Variants in LRRK2 observed in about 807,000 individuals in gnomAD.
The protein encoded by LRRK2 is leucine rich repeat kinase 2, also known as leucine-rich repeat serine/threonine-protein kinase 2.
LRRK2 carries 203 observed loss-of-function variants against 302.6 expected under a neutral mutation model. The ratio of observed to expected loss-of-function variants is 0.67; its 90% confidence interval spans 0.60 to 0.75. The LOEUF is 0.75. LRRK2 is among the 30% of genes least tolerant of loss of function. The pLI, the probability that LRRK2 is intolerant of heterozygous loss-of-function variation, is 0.00. For synonymous variants in LRRK2, 1,066 were observed against 1,031.9 expected (o/e 1.03, Z -0.63); for missense variants, 2,830 against 2,951.0 (o/e 0.96, Z 0.95).
intron 19 of LRRK2, among the ~76,000 whole-genome samples, chr12:40,286,069 A>G (rs4310676): frequency 0.7 from 106,676 of 151,670 alleles, 37,705 homozygotes; most frequent in African/African-American, 0.75. Context: ...GGAGAGGGAC[A>G]GAGGGAGATT....
chr12:40,359,799 T>C (rs1331978504), intron 47 of LRRK2, among the ~76,000 whole-genome samples: 2 of 152,164 alleles, frequency 1.3e-5, no homozygotes, highest in African/African-American at 4.8e-5. Flanking sequence ...TCACGGACTA[T>C]ACATATGCAA....
chr12:40,252,135 A>G (rs950829103), intron 10 of LRRK2, among the ~76,000 whole-genome samples: 2 of 152,188 alleles, frequency 1.3e-5, no homozygotes, highest in Admixed American at 6.6e-5. Flanking sequence ...GGTTTGTTTC[A>G]TATCCGTGAG....
At chr12:40,265,339 A>G (rs1942963068) in intron 14 of LRRK2, among the ~76,000 whole-genome samples, 1 of 152,220 alleles carries the variant, frequency 6.6e-6, no homozygotes, top group African/African-American at 2.4e-5. Context: ...TTCTTTAAAC[A>G]AGAGACACAC....
At chr12:40,280,926 G>C (rs1460321801) in intron 18 of LRRK2, among the ~76,000 whole-genome samples, 1 of 151,906 alleles carries the variant, frequency 6.6e-6, no homozygotes, top group Non-Finnish European at 1.5e-5. Flanking sequence ...AAATTAGCCA[G>C]GCGTGGTGGC....
intron 20 of LRRK2, among the ~76,000 whole-genome samples, chr12:40,290,616 T>C (rs1057386222): frequency 6.6e-6 from 1 of 152,202 alleles, no homozygotes; most frequent in Non-Finnish European, 1.5e-5. Context: ...AAGTCAGTTT[T>C]AGTAATGTGT....
intron 2 of LRRK2, among the ~76,000 whole-genome samples, chr12:40,231,649 G>T (rs575666333): frequency 1.4e-5 from 2 of 146,290 alleles, no homozygotes; most frequent in Admixed American, 1.4e-4. Flanking sequence ...TAATAATCTT[G>T]GTACAACCTC....
intron 10 of LRRK2, among the ~76,000 whole-genome samples, chr12:40,252,228 T>C (rs1209090145): frequency 2.0e-5 from 3 of 152,214 alleles, no homozygotes; most frequent in Admixed American, 2.0e-4. Flanking sequence ...GTGAATGACT[T>C]ATTTTGGAAA....
At chr12:40,334,498 A>T (rs1231535221) in intron 39 of LRRK2, among the ~76,000 whole-genome samples, 2 of 152,194 alleles carry the variant, frequency 1.3e-5, no homozygotes, top group African/African-American at 2.4e-5. Flanking sequence ...CATGTTTTAT[A>T]TGTTATCTGT....
At chr12:40,232,250 A>C in intron 2 of LRRK2, 24 bp from the exon 3 acceptor site, 18 of 1,516,266 alleles carry the variant, frequency 1.2e-5, no homozygotes, top group Non-Finnish European at 1.6e-5. Context: ...AAAACATGTG[A>C]ATATATGTCT....
chr12:40,363,582 C>A (rs1455143604), intron 48 of LRRK2, 28 bp downstream of exon 48: 2 of 1,605,332 alleles, frequency 1.2e-6, no homozygotes, highest in Non-Finnish European at 1.7e-6. Context: ...TAATTTTATT[C>A]CCAAAAGAAT....
chr12:40,280,791 G>A (rs1404932991), intron 18 of LRRK2, among the ~76,000 whole-genome samples: 1 of 151,684 alleles, frequency 6.6e-6, no homozygotes, highest in Admixed American at 6.6e-5. Flanking sequence ...AACCGGTCGG[G>A]TGCGGTGGCT....
chr12:40,310,071 T>C (rs1944985958), intron 30 of LRRK2, among the ~76,000 whole-genome samples: 1 of 152,106 alleles, frequency 6.6e-6, no homozygotes, highest in South Asian at 2.1e-4. Context: ...ATATAAACTA[T>C]ATGACGTTAA....
intron 14 of LRRK2, among the ~76,000 whole-genome samples, chr12:40,265,388 G>C (rs1260442493): frequency 3.3e-5 from 5 of 152,116 alleles, no homozygotes; most frequent in Non-Finnish European, 7.4e-5. Context: ...TATTGCAAAA[G>C]AAAAAGAATA....
At chr12:40,267,639 C>T (rs896170918) in intron 14 of LRRK2, among the ~76,000 whole-genome samples, 5 of 152,094 alleles carry the variant, frequency 3.3e-5, no homozygotes, top group African/African-American at 1.2e-4. Flanking sequence ...TTCCCCCATG[C>T]CAGTACTGAC....
chr12:40,247,194 T>C (rs1942023178), intron 7 of LRRK2, among the ~76,000 whole-genome samples: 1 of 152,124 alleles, frequency 6.6e-6, no homozygotes, highest in South Asian at 2.1e-4. Flanking sequence ...CCCTGTGTAA[T>C]TTGGAAATTG....
intron 25 of LRRK2, among the ~76,000 whole-genome samples, chr12:40,302,328 C>A (rs1009312592): frequency 6.6e-6 from 1 of 151,812 alleles, no homozygotes; most frequent in Non-Finnish European, 1.5e-5. Flanking sequence ...TTAAATAACA[C>A]CCATTATTAT....
chr12:40,271,587 A>G (rs1392753770), intron 14 of LRRK2, among the ~76,000 whole-genome samples: 1 of 152,144 alleles, frequency 6.6e-6, no homozygotes. Flanking sequence ...TTTAATCCCT[A>G]TTTGAGCACC....
At chr12:40,232,490 A>G in intron 3 of LRRK2, 107 bp downstream of exon 3, 4 of 795,120 alleles carry the variant, frequency 5.0e-6, no homozygotes, top group South Asian at 4.3e-5. Context: ...CTCCTGTGGA[A>G]TTCTTTAAAA....
intron 3 of LRRK2, among the ~76,000 whole-genome samples, chr12:40,234,004 C>A (rs143703320): frequency 9.0e-4 from 137 of 152,286 alleles, no homozygotes; most frequent in South Asian, 1.7e-3. Flanking sequence ...AAACAGATTT[C>A]TCTTTTTTCA....
Sources: gnomAD v4.1 joint callset for allele counts (sites outside exome capture counted in the v4.1 genomes callset) on GRCh38, gnomAD v4.1.1 for gene constraint, MANE v1.5 for transcripts, NCBI Gene and HGNC (gene_info 2026-07-23, HGNC 2026-07-21) for gene names.